LRP1B: variants seen among roughly 807,000 people sequenced by gnomAD.
LRP1B encodes the protein LDL receptor related protein 1B.
In LRP1B, 217 loss-of-function variants were observed where a neutral mutation model predicts 556.6. That is an observed-to-expected ratio of 0.39 (90% CI 0.35 to 0.44). The LOEUF (loss-of-function observed/expected upper bound fraction) is 0.44, where lower values mean the gene tolerates loss of function less well. Ranked by LOEUF, LRP1B falls within the 20% of genes least tolerant of loss-of-function variation. The pLI, the probability that LRP1B is intolerant of heterozygous loss-of-function variation, is 1.00. For synonymous variants in LRP1B, 2,047 were observed against 1,865.8 expected (o/e 1.10, Z -2.50); for missense variants, 5,053 against 5,620.8 (o/e 0.90, Z 3.23).
intron 2 of LRP1B, among the ~76,000 whole-genome samples, chr2:141,690,222 A>G (rs1691465220): frequency 6.6e-6 from 1 of 150,962 alleles, no homozygotes; most frequent in Admixed American, 6.6e-5. Context: ...AATTAGGCTA[A>G]AATTATATTG....
At chr2:141,693,185 C>T (rs1691610111) in intron 2 of LRP1B, among the ~76,000 whole-genome samples, 1 of 151,954 alleles carries the variant, frequency 6.6e-6, no homozygotes, top group Non-Finnish European at 1.5e-5. Flanking sequence ...TTGTCCTATG[C>T]CCCCATTACT....
chr2:141,833,667 C>T (rs1697177762), intron 1 of LRP1B, among the ~76,000 whole-genome samples: 3 of 151,598 alleles, frequency 2.0e-5, no homozygotes, highest in African/African-American at 7.3e-5. Context: ...TTGCCAAGAG[C>T]GAGTCATTAG....
chr2:141,272,343 T>A (rs1361213408), intron 3 of LRP1B, among the ~76,000 whole-genome samples: 2 of 151,950 alleles, frequency 1.3e-5, no homozygotes, highest in Admixed American at 6.6e-5. Flanking sequence ...ACTATTAAAA[T>A]AATTGAAATA....
chr2:142,072,130 A>G (rs566325473), intron 1 of LRP1B, among the ~76,000 whole-genome samples: 4 of 151,990 alleles, frequency 2.6e-5, no homozygotes, highest in African/African-American at 9.6e-5. Context: ...GCACTACCTA[A>G]GCTAATGCCT....
At chr2:140,411,437 T>C (rs532945287) in intron 66 of LRP1B, among the ~76,000 whole-genome samples, 2 of 152,264 alleles carry the variant, frequency 1.3e-5, no homozygotes, top group South Asian at 4.1e-4. Context: ...TCCATTGGTA[T>C]TGTTACATAA....
chr2:141,812,421 T>C (rs1696388082), intron 1 of LRP1B, among the ~76,000 whole-genome samples: 1 of 152,136 alleles, frequency 6.6e-6, no homozygotes, highest in Non-Finnish European at 1.5e-5. Flanking sequence ...CTACTTTGCG[T>C]TTGATCTACG....
rs141437873 is a variant in LRP1B, at chr2:140,674,762, A to T, written c.6799+25488T>A. 5.7e-4 allele frequency among the ~76,000 whole-genome samples: 87 copies of T among 152,186 alleles called. No homozygotes were observed. The Middle Eastern group carries it at 0.01, about 18-fold the overall frequency. On this transcript the variant is annotated intron_variant, in intron 41 of 90. Coordinates refer to ENST00000389484, the MANE Select transcript of LRP1B (RefSeq NM_018557.3). The stretch of plus-strand genomic sequence containing the variant: ...GTCACTCATGTTTGGCTCAGGATAA[A>T]CCTCTTTAATAGAGGTTAAATATTT...
intron 3 of LRP1B, among the ~76,000 whole-genome samples, chr2:141,356,425 G>A (rs1688628799): frequency 6.6e-6 from 1 of 151,952 alleles, no homozygotes; most frequent in Admixed American, 6.6e-5. Flanking sequence ...TCTGAATAGA[G>A]GAAAAGTGTT....
At chr2:140,344,793 A>G (rs1176070974) in intron 77 of LRP1B, among the ~76,000 whole-genome samples, 2 of 151,790 alleles carry the variant, frequency 1.3e-5, no homozygotes, top group Non-Finnish European at 2.9e-5. Flanking sequence ...TGTGAGCTCA[A>G]CAAGGAAGTA....
intron 3 of LRP1B, among the ~76,000 whole-genome samples, chr2:141,375,315 G>A (rs904903839): frequency 6.6e-6 from 1 of 152,126 alleles, no homozygotes; most frequent in Non-Finnish European, 1.5e-5. Context: ...AGCTTACACT[G>A]TTTCAAGTGT....
chr2:140,777,309 A>T (rs1245386566), intron 32 of LRP1B, among the ~76,000 whole-genome samples: 1 of 152,210 alleles, frequency 6.6e-6, no homozygotes. Flanking sequence ...GCTGATAAAA[A>T]GTGTCAAATA....
intron 1 of LRP1B, among the ~76,000 whole-genome samples, chr2:141,927,325 C>CCT (rs1487681958): frequency 6.6e-6 from 1 of 152,022 alleles, no homozygotes; most frequent in Non-Finnish European, 1.5e-5. Context: ...TCAGAACTGT[C>CCT]CTCTACCTGT....
intron 1 of LRP1B, among the ~76,000 whole-genome samples, chr2:141,987,466 C>A (rs371534625): frequency 6.6e-6 from 1 of 151,722 alleles, no homozygotes; most frequent in South Asian, 2.1e-4. Context: ...TCTGACAGTG[C>A]TTCTGTCTCT....
intron 1 of LRP1B, among the ~76,000 whole-genome samples, chr2:142,002,734 A>T (rs1251204684): frequency 6.6e-6 from 1 of 152,064 alleles, no homozygotes; most frequent in East Asian, 1.9e-4. Flanking sequence ...GCTTTGCTAT[A>T]TAACTTTCAC....
At chr2:140,770,297 T>G (rs962952055) in intron 34 of LRP1B, among the ~76,000 whole-genome samples, 1 of 151,914 alleles carries the variant, frequency 6.6e-6, no homozygotes, top group Non-Finnish European at 1.5e-5. Context: ...TATATAGATA[T>G]TTCTCAAATA....
intron 2 of LRP1B, among the ~76,000 whole-genome samples, chr2:141,728,336 G>GCAGCC (rs70994446): frequency 0.082 from 12,531 of 152,144 alleles, 657 homozygotes; most frequent in South Asian, 0.15. Flanking sequence ...CAATCCCAGA[G>GCAGCC]CAGCCGTGCC....
intron 1 of LRP1B, among the ~76,000 whole-genome samples, chr2:142,032,305 A>G (rs1253821070): frequency 1.3e-5 from 2 of 151,772 alleles, no homozygotes; most frequent in East Asian, 2.0e-4. Flanking sequence ...CTGTCCACCA[A>G]TGCTCTTGAT....
chr2:140,485,844 CAT>C lies in LRP1B; in HGVS notation c.9244-322_9244-321del, dbSNP rs1368932067. Among the ~76,000 whole-genome samples, 653 of 105,092 alleles carry C rather than the reference CAT, an allele frequency of 6.2e-3. 7 individuals are homozygous for C. Among genetic ancestry groups the C allele is most frequent in the African/African-American group, 0.024 (609 of 24,874 alleles). 68.9% of individuals were successfully genotyped at this position (105,092 alleles called of 152,430 possible). On this transcript the variant is annotated intron_variant, in intron 58 of 90. Coordinates refer to ENST00000389484, the MANE Select transcript of LRP1B (RefSeq NM_018557.3). Reference sequence around the variant, plus strand: ...AAATTTGGGACAAAATTCTCACGCACATACACACACACACACACACACACACA... The same window carrying C: ...AAATTTGGGACAAAATTCTCACGCACACACACACACACACACACACACACA...
chr2:142,105,108 G>A (rs1706700145), intron 1 of LRP1B, among the ~76,000 whole-genome samples: 1 of 152,290 alleles, frequency 6.6e-6, no homozygotes, highest in East Asian at 1.9e-4. Context: ...ATTGGCTGAG[G>A]TGCAAAGGCG....
Sources: gnomAD v4.1 joint callset for allele counts (sites outside exome capture counted in the v4.1 genomes callset) on GRCh38, gnomAD v4.1.1 for gene constraint, MANE v1.5 for transcripts, NCBI Gene and HGNC (gene_info 2026-07-23, HGNC 2026-07-21) for gene names.